The following RORA variants were observed in gnomAD, a reference collection of about 807,000 sequenced individuals.
RORA encodes RAR related orphan receptor A, also known as nuclear receptor ROR-alpha.
In RORA, 7 loss-of-function variants were observed where a neutral mutation model predicts 69.5. The observed-to-expected ratio is 0.10, with a 90% CI of 0.06 to 0.19. The LOEUF is 0.19. Among genes scored for constraint, RORA ranks in the 10% least tolerant of loss-of-function variants. The pLI is 1.00. For missense variants in RORA, 457 were observed against 663.0 expected, an observed-to-expected ratio of 0.69 and a Z score of 3.41; for synonymous variants, 261 against 240.8, an observed-to-expected ratio of 1.08 and a Z score of -0.78.
chr15:60,648,841 G>C (rs555837962), intron 2 of RORA, among the ~76,000 whole-genome samples: 1 of 152,260 alleles, frequency 6.6e-6, no homozygotes, highest in South Asian at 2.1e-4. Flanking sequence ...GTAATTCCCA[G>C]TGTGTCTTAT....
chr15:60,536,758 G>A (rs1393717921), intron 2 of RORA, among the ~76,000 whole-genome samples: 1 of 152,254 alleles, frequency 6.6e-6, no homozygotes, highest in Non-Finnish European at 1.5e-5. Context: ...GTACACCTAT[G>A]AGAACATGTC....
chr15:60,517,234 C>G (rs1455669064), intron 3 of RORA, among the ~76,000 whole-genome samples: 2 of 151,592 alleles, frequency 1.3e-5, no homozygotes, highest in Admixed American at 6.6e-5. Flanking sequence ...ATGTATATGA[C>G]CTCAGTTTCC....
chr15:60,553,544 G>A (rs1250606051), intron 2 of RORA, among the ~76,000 whole-genome samples: 3 of 152,286 alleles, frequency 2.0e-5, no homozygotes, highest in African/African-American at 2.4e-5. Flanking sequence ...ACTAACTGGT[G>A]AGAAGATCAG....
At chr15:61,041,747 G>A (rs904086191) in intron 1 of RORA, among the ~76,000 whole-genome samples, 2 of 152,076 alleles carry the variant, frequency 1.3e-5, no homozygotes, top group African/African-American at 4.8e-5. Flanking sequence ...TATAGATGAG[G>A]GAAATAGGGC....
intron 1 of RORA, among the ~76,000 whole-genome samples, chr15:60,877,544 G>A (rs1367191396): frequency 6.6e-6 from 1 of 152,062 alleles, no homozygotes; most frequent in Admixed American, 6.5e-5. Flanking sequence ...GAGTAAAAAT[G>A]GCTGTTATTA....
chr15:60,755,503 A>T (rs1003485439), intron 1 of RORA, among the ~76,000 whole-genome samples: 13 of 152,074 alleles, frequency 8.5e-5, no homozygotes, highest in Non-Finnish European at 1.5e-4. Context: ...TATACCCAGT[A>T]ATGGGATGGC....
At chr15:60,665,599 T>C (rs2070367352) in intron 2 of RORA, among the ~76,000 whole-genome samples, 1 of 152,236 alleles carries the variant, frequency 6.6e-6, no homozygotes, top group Non-Finnish European at 1.5e-5. Context: ...AATTGCCAGA[T>C]GTCAAGCAGC....
chr15:60,646,682 C>A (rs1032555882), intron 2 of RORA, among the ~76,000 whole-genome samples: 6 of 152,202 alleles, frequency 3.9e-5, no homozygotes, highest in African/African-American at 1.4e-4. Flanking sequence ...CCATTGCTCT[C>A]CAGAAGTAAA....
chr15:60,960,322 C>T (rs1053215203), intron 1 of RORA, among the ~76,000 whole-genome samples: 6 of 152,218 alleles, frequency 3.9e-5, no homozygotes, highest in Non-Finnish European at 8.8e-5. Context: ...ACAACCTCTA[C>T]AAGCAAATGA....
At chr15:60,859,132 G>C (rs2073410947) in intron 1 of RORA, among the ~76,000 whole-genome samples, 1 of 151,956 alleles carries the variant, frequency 6.6e-6, no homozygotes, top group Non-Finnish European at 1.5e-5. Flanking sequence ...TTCCTTACTT[G>C]CTCACCTGCT....
chr15:60,561,056 G>GTT (rs59042428), intron 2 of RORA, among the ~76,000 whole-genome samples: 13 of 119,714 alleles, frequency 1.1e-4, no homozygotes, highest in African/African-American at 3.4e-4. Flanking sequence ...TTTAACTTGT[G>GTT]TTTTTTTTTT....
intron 3 of RORA, among the ~76,000 whole-genome samples, chr15:60,522,086 A>G (rs2066186607): frequency 6.6e-6 from 1 of 152,228 alleles, no homozygotes; most frequent in African/African-American, 2.4e-5. Flanking sequence ...GCAAGAGCTG[A>G]GTGCTAAAAT....
At chr15:60,781,037 A>G (rs111562421) in intron 1 of RORA, among the ~76,000 whole-genome samples, 6 of 152,358 alleles carry the variant, frequency 3.9e-5, no homozygotes, top group African/African-American at 4.8e-5. Context: ...AGAGGACTTC[A>G]GTAACTTCTT....
chr15:60,578,734 T>C (rs1374544196), intron 2 of RORA, among the ~76,000 whole-genome samples: 1 of 152,082 alleles, frequency 6.6e-6, no homozygotes, highest in African/African-American at 2.4e-5. Context: ...AATAAATTTT[T>C]CTGCTTCATC....
intron 1 of RORA, among the ~76,000 whole-genome samples, chr15:61,133,577 G>C (rs2079211089): frequency 6.6e-6 from 1 of 151,928 alleles, no homozygotes; most frequent in East Asian, 1.9e-4. Flanking sequence ...CCAGGGGAAA[G>C]GGTGAGTCAC....
chr15:60,643,368 T>C (rs1264826731), intron 2 of RORA, among the ~76,000 whole-genome samples: 2 of 152,158 alleles, frequency 1.3e-5, no homozygotes, highest in Non-Finnish European at 2.9e-5. Flanking sequence ...ATCTCAGAGA[T>C]CCATGGTTTT....
At chr15:60,708,678 C>T (rs1237325538) in intron 1 of RORA, among the ~76,000 whole-genome samples, 1 of 152,124 alleles carries the variant, frequency 6.6e-6, no homozygotes, top group Non-Finnish European at 1.5e-5. Context: ...CCCTCCCAAG[C>T]CTTTTCAGTT....
At chr15:60,732,146 T>C (rs574319242) in intron 1 of RORA, among the ~76,000 whole-genome samples, 1 of 152,346 alleles carries the variant, frequency 6.6e-6, no homozygotes, top group East Asian at 1.9e-4. Context: ...ATGTCTTGTT[T>C]GGATAGGGCC....
chr15:60,678,826 G>A, intron 1 of RORA, 140 bp from the exon 2 acceptor site: 1 of 697,876 alleles, frequency 1.4e-6, no homozygotes. Flanking sequence ...ACATTGCACA[G>A]GAGTGTCACT....
Sources: gnomAD v4.1 joint callset for allele counts (sites outside exome capture counted in the v4.1 genomes callset) on GRCh38, gnomAD v4.1.1 for gene constraint, MANE v1.5 for transcripts, NCBI Gene and HGNC (gene_info 2026-07-23, HGNC 2026-07-21) for gene names.